The following WAC variants were observed in gnomAD, a reference collection of about 807,000 sequenced individuals.
The protein encoded by WAC is WW domain containing adaptor with coiled-coil.
WAC carries 11 observed loss-of-function variants against 79.6 expected under a neutral mutation model. The ratio of observed to expected loss-of-function variants is 0.14; its 90% CI spans 0.09 to 0.23. The LOEUF is 0.23. Among genes scored for constraint, WAC ranks in the 10% least tolerant of loss-of-function variants. WAC has a pLI of 1.00. For missense variants in WAC, 728 were observed against 773.5 expected (o/e 0.94, Z 0.70); for synonymous variants, 304 against 276.9 (o/e 1.10, Z -0.97).
chr10:28,617,592 T>C lies in WAC; in HGVS notation c.1747-65T>C, dbSNP rs563951066. ...CTAGTATAAAATTGTACTCAGAAAT[T>C]TAATGTTTTATTTTGTGTATGTTAA... On this transcript the variant is annotated intron_variant, in intron 12 of 13. Transcript: ENST00000354911. 2.4e-4 allele frequency: 339 copies of C among 1,395,936 alleles called. No individual in the cohort carries two copies. In the East Asian group the frequency reaches 3.5e-3, roughly 14 times the overall value. 86.5% of individuals were successfully genotyped at this position (1,395,936 alleles called of 1,614,324 possible). A position where few individuals can be genotyped will look rare whatever the true frequency, so the allele number is the denominator to read the frequency against.
intron 3 of WAC, among the ~76,000 whole-genome samples, chr10:28,564,275 C>CAA (rs1441904946): frequency 6.6e-6 from 1 of 152,074 alleles, no homozygotes; most frequent in Non-Finnish European, 1.5e-5. Flanking sequence ...CCAAACAAAA[C>CAA]AAAAACCCTA....
intron 7 of WAC, among the ~76,000 whole-genome samples, chr10:28,603,961 G>GTATATATATATATATATATA (rs71391054): frequency 9.6e-5 from 2 of 20,906 alleles, no homozygotes; most frequent in South Asian, 2.5e-3. Flanking sequence ...ATGTATGTAT[G>GTATATATATATATATATATA]TATATATATA....
At chr10:28,545,038 C>T (rs1441658411) in intron 3 of WAC, among the ~76,000 whole-genome samples, 2 of 53,236 alleles carry the variant, frequency 3.8e-5, no homozygotes, top group Middle Eastern at 9.3e-3. Context: ...GAGACTCTGT[C>T]TCAAAAAAAA....
intron 3 of WAC, among the ~76,000 whole-genome samples, chr10:28,563,765 T>G (rs1473950201): frequency 1.5e-5 from 2 of 133,748 alleles, no homozygotes; most frequent in African/African-American, 5.8e-5. Flanking sequence ...TTTTTTTTTT[T>G]TTTTTTTTGT....
intron 3 of WAC, among the ~76,000 whole-genome samples, chr10:28,541,953 ATCTC>A (rs962049089): frequency 1.4e-4 from 21 of 152,184 alleles, no homozygotes; most frequent in African/African-American, 5.1e-4. Flanking sequence ...GTCACCTCAC[ATCTC>A]TCTCAAGCTC....
chr10:28,573,555 A>G (rs545511383), intron 3 of WAC, among the ~76,000 whole-genome samples: 2 of 152,330 alleles, frequency 1.3e-5, no homozygotes, highest in African/African-American at 4.8e-5. Context: ...ATGTCAGTAC[A>G]GCTTATTCCA....
chr10:28,590,680 A>G, intron 5 of WAC, 40 bp from the exon 6 acceptor site: 1 of 1,505,028 alleles, frequency 6.6e-7, no homozygotes, highest in Non-Finnish European at 9.0e-7. Context: ...TCATGCCCTT[A>G]ATGTAATTTT....
chr10:28,567,419 T>C (rs1838708110), intron 3 of WAC, among the ~76,000 whole-genome samples: 2 of 152,174 alleles, frequency 1.3e-5, no homozygotes, highest in Non-Finnish European at 2.9e-5. Context: ...TTGGTGTTTG[T>C]AATCTGAGGC....
chr10:28,603,555 A>G (rs1840744379), intron 7 of WAC, among the ~76,000 whole-genome samples: 1 of 152,190 alleles, frequency 6.6e-6, no homozygotes, highest in Admixed American at 6.5e-5. Flanking sequence ...GCAAACATGT[A>G]AAACATGTTA....
At chr10:28,609,644 T>C (rs1227160529) in intron 8 of WAC, among the ~76,000 whole-genome samples, 2 of 152,168 alleles carry the variant, frequency 1.3e-5, no homozygotes, top group Non-Finnish European at 2.9e-5. Flanking sequence ...ATTCCAGCAC[T>C]TGCTGAGGCT....
chr10:28,552,408 A>G (rs943879591), intron 3 of WAC, among the ~76,000 whole-genome samples: 1 of 152,154 alleles, frequency 6.6e-6, no homozygotes, highest in African/African-American at 2.4e-5. Context: ...TTATGACATT[A>G]GATACTACTC....
At position 28,537,654 on chromosome 10, in the gene WAC, A is replaced by G. The variant is rs570860187; in HGVS notation, c.274+1897A>G. 3.3e-5 allele frequency: 5 copies of G among 152,284 alleles called. No homozygotes were observed. The East Asian group carries it at 5.8e-4, about 18-fold the overall frequency. The allele number at this position is 152,284 out of a possible 1,614,324, so 9.4% of individuals were successfully genotyped here. A position where few individuals can be genotyped will look rare whatever the true frequency, so the allele number is the denominator to read the frequency against. ...CCTGGGGCATCTACTGTGTGCCAAC[A>G]TTTGTGTGATACTCCTGGGAGTCAA... On this transcript the variant is annotated intron_variant, in intron 3 of 13. Transcript: ENST00000354911.
At chr10:28,592,592 G>C (rs545229429) in intron 6 of WAC, among the ~76,000 whole-genome samples, 7 of 152,216 alleles carry the variant, frequency 4.6e-5, no homozygotes, top group Non-Finnish European at 1.0e-4. Flanking sequence ...CTGTACTCCA[G>C]CCTGGGTGAC....
chr10:28,599,810 A>G (rs1270007607), intron 7 of WAC, among the ~76,000 whole-genome samples: 3 of 152,148 alleles, frequency 2.0e-5, no homozygotes, highest in African/African-American at 7.2e-5. Flanking sequence ...GAAACAAGGG[A>G]GTGAGGTGAC....
chr10:28,534,140 A>C, intron 2 of WAC, 106 bp downstream of exon 2: 2 of 1,109,556 alleles, frequency 1.8e-6, no homozygotes, highest in Non-Finnish European at 2.5e-6. Flanking sequence ...CCTTCGGTGC[A>C]ACACATCTGA....
At chr10:28,590,474 G>C (rs1200914419) in intron 5 of WAC, among the ~76,000 whole-genome samples, 2 of 152,114 alleles carry the variant, frequency 1.3e-5, no homozygotes, top group Non-Finnish European at 2.9e-5. Flanking sequence ...TTCACATGTA[G>C]AATTAAAATT....
At chr10:28,596,170 C>A in intron 7 of WAC, 129 bp downstream of exon 7, 1 of 1,008,572 alleles carries the variant, frequency 9.9e-7, no homozygotes, top group Non-Finnish European at 1.4e-6. Flanking sequence ...TAGAATGTTT[C>A]TGTGTAGAGT....
At position 28,589,763 on chromosome 10, in the gene WAC, G is replaced by T; in HGVS notation, c.409G>T (p.Glu137Ter). 2 of 1,613,568 alleles carry T rather than the reference G, an allele frequency of 1.2e-6. No individual in the cohort carries two copies. Among genetic ancestry groups the T allele is most frequent in the South Asian group, 2.2e-5 (2 of 91,052 alleles). The change falls in exon 5 of 14, where the codon GAG (glutamate) becomes TAG (stop). Residue 137 changes from glutamate (E) to a stop codon, truncating the protein, a stop_gained. Transcript: ENST00000354911. LOFTEE classifies it high-confidence loss of function. ...TTATGATTCTGCAGATGACTGGTCT[G>T]AGCATATTAGCTCTTCTGGGAAAAA... ...APYDSADDWSEHISSSGKKYY... is the reference protein window; with the variant it reads ...APYDSADDWS
At chr10:28,555,650 G>T (rs936266418) in intron 3 of WAC, among the ~76,000 whole-genome samples, 1 of 152,156 alleles carries the variant, frequency 6.6e-6, no homozygotes, top group Non-Finnish European at 1.5e-5. Context: ...GTTTGAGTGC[G>T]TTCCCTAAAT....
Sources: gnomAD v4.1 joint callset for allele counts (sites outside exome capture counted in the v4.1 genomes callset) on GRCh38, gnomAD v4.1.1 for gene constraint, MANE v1.5 for transcripts, NCBI Gene and HGNC (gene_info 2026-07-23, HGNC 2026-07-21) for gene names.